CHD6: variants seen among roughly 807,000 people sequenced by gnomAD.
CHD6 encodes the protein chromodomain helicase DNA binding protein 6, also known as ATP-dependent chromatin remodeler CHD6.
Under a neutral mutation model 276.9 loss-of-function variants are expected in CHD6, and 50 were observed. That is an observed-to-expected ratio of 0.18 (90% CI 0.14 to 0.23). CHD6 has a LOEUF of 0.23. CHD6 is among the 10% of genes least tolerant of loss of function. The pLI, the probability that CHD6 is intolerant of heterozygous loss-of-function variation, is 1.00. For missense variants in CHD6, 2,564 were observed against 3,365.8 expected, an observed-to-expected ratio of 0.76 and a Z score of 5.89; for synonymous variants, 1,173 against 1,229.3, an observed-to-expected ratio of 0.95 and a Z score of 0.96.
chr20:41,510,598 T>A (rs142136873), intron 5 of CHD6, among the ~76,000 whole-genome samples: 5 of 152,356 alleles, frequency 3.3e-5, no homozygotes, highest in African/African-American at 1.2e-4. Context: ...GTTTGCTACA[T>A]CCTTAGAAGA....
rs530554462 is a variant in CHD6 at position 41,426,263 on chromosome 20, C to A, written c.4069-110G>T. The A allele has an allele frequency of 1.9e-4, 152 of 798,838 alleles. No homozygotes were observed. In the South Asian group the frequency reaches 1.9e-3, roughly 10 times the overall value. The allele number at this position is 798,838 out of a possible 1,614,324, so 49.5% of individuals were successfully genotyped here. ...CATCACGCATAAGAGCTGTCCCCTG[C>A]CCATGAACAACTCAGACCAAGATAG... On this transcript the variant is annotated intron_variant, in intron 27 of 36. Transcript: ENST00000373233.
chr20:41,503,055 C>T (rs550083754), intron 5 of CHD6, among the ~76,000 whole-genome samples: 2 of 152,178 alleles, frequency 1.3e-5, no homozygotes, highest in South Asian at 4.2e-4. Context: ...CCCATATGTG[C>T]TACATCTATT....
intron 19 of CHD6, among the ~76,000 whole-genome samples, chr20:41,455,328 A>T (rs1231179682): frequency 6.6e-6 from 1 of 152,246 alleles, no homozygotes; most frequent in Non-Finnish European, 1.5e-5. Flanking sequence ...CCAGTGGCCT[A>T]AACAGCAGAG....
At chr20:41,512,809 T>C (rs926874644) in intron 5 of CHD6, 37 bp downstream of exon 5, 14 of 1,611,614 alleles carry the variant, frequency 8.7e-6, no homozygotes, top group Middle Eastern at 3.3e-4. Flanking sequence ...AAAATGACTG[T>C]CCAGCCAAGG....
At chr20:41,555,973 A>T (rs1164106825) in intron 1 of CHD6, among the ~76,000 whole-genome samples, 1 of 152,212 alleles carries the variant, frequency 6.6e-6, no homozygotes, top group Non-Finnish European at 1.5e-5. Context: ...TTGAGCACTG[A>T]GTGAGCCAGA....
chr20:41,408,502 C>T (rs1018871537), intron 36 of CHD6, among the ~76,000 whole-genome samples: 9 of 152,190 alleles, frequency 5.9e-5, no homozygotes, highest in African/African-American at 2.2e-4. Context: ...ACCAGTCTGT[C>T]TTGAGCTCAT....
Position 41,440,060 on chromosome 20 carries a change from T to A in CHD6, c.3947A>T (p.Asp1316Val), listed in dbSNP as rs2145597291. 1 of 1,614,030 alleles carries A rather than the reference T, an allele frequency of 6.2e-7. No homozygotes were observed. The stretch of plus-strand genomic sequence containing the variant: ...CTGTTCTGCAGAAAGGGACTTCTCA[T>A]CGGGCATCCCAACTTTCTCCAGGAA... ...LCFLEKVGMP[D>V]EKSLSAEQGV... The change falls in exon 26 of 37, where the codon GAT becomes GTT. Residue 1316 changes from aspartate (D) to valine (V), a missense_variant. Asp to Val is a radical substitution (Grantham distance 152). Coordinates refer to ENST00000373233, the MANE Select transcript of CHD6 (RefSeq NM_032221.5).
chr20:41,509,745 TAA>T (rs1472163358), intron 5 of CHD6, among the ~76,000 whole-genome samples: 1 of 152,198 alleles, frequency 6.6e-6, no homozygotes, highest in Non-Finnish European at 1.5e-5. Flanking sequence ...TGCAGAATTC[TAA>T]AAGTTTGTGT....
chr20:41,457,192 TAAG>T (rs2048401836), intron 18 of CHD6, 69 bp downstream of exon 18: 2 of 1,540,170 alleles, frequency 1.3e-6, no homozygotes, highest in Non-Finnish European at 1.8e-6. Context: ...TAAACAGCTG[TAAG>T]AAGAGAAGCC....
intron 27 of CHD6, 149 bp from the exon 28 acceptor site, chr20:41,426,302 T>G: frequency 1.4e-6 from 1 of 693,056 alleles, no homozygotes; most frequent in Non-Finnish European, 2.6e-6. Context: ...CTGATAAAGC[T>G]TACTTCTGTA....
rs2047266328 is a variant in CHD6 at position 41,423,600 on chromosome 20, T to C, written c.4447A>G (p.Ile1483Val). ...GACTTCTTGTCCAAACGGGAAATGA[T>C]GCGGAACTGTGTCCAGTCAAAGGTT... ...KKTFDWTQFR[I>V]ISRLDKKSDE... The change falls in exon 30 of 37, where the codon ATC becomes GTC. Residue 1483 changes from isoleucine to valine, a missense_variant. Ile to Val is a conservative substitution (Grantham distance 29, BLOSUM62 3). Transcript: ENST00000373233. 6.2e-7 allele frequency: 1 copy of C among 1,614,236 alleles called. No homozygotes were observed. The highest frequency in any genetic ancestry group is 8.5e-7 in the Non-Finnish European group (1 of 1,180,036).
intron 1 of CHD6, among the ~76,000 whole-genome samples, chr20:41,589,354 G>A (rs560497154): frequency 1.2e-4 from 18 of 152,256 alleles, no homozygotes; most frequent in Non-Finnish European, 2.4e-4. Flanking sequence ...CATAGTGTTG[G>A]AAGTTCTGGC....
intron 3 of CHD6, among the ~76,000 whole-genome samples, chr20:41,516,182 T>A (rs2044246045): frequency 7.0e-6 from 1 of 142,822 alleles, no homozygotes; most frequent in South Asian, 2.2e-4. Flanking sequence ...TTTTTTTTTT[T>A]AGACGGAGTC....
At chr20:41,615,948 G>A (rs971980784) in intron 1 of CHD6, among the ~76,000 whole-genome samples, 1 of 152,212 alleles carries the variant, frequency 6.6e-6, no homozygotes, top group Non-Finnish European at 1.5e-5. Context: ...AGTAGCCCAA[G>A]GGCCGCCTGT....
chr20:41,457,119 C>G, intron 18 of CHD6, 145 bp downstream of exon 18: 2 of 882,252 alleles, frequency 2.3e-6, no homozygotes, highest in Non-Finnish European at 3.3e-6. Context: ...TAACGATGCC[C>G]TGTTGTAGGG....
intron 8 of CHD6, among the ~76,000 whole-genome samples, chr20:41,495,935 A>G (rs1210048411): frequency 6.6e-6 from 1 of 152,210 alleles, no homozygotes; most frequent in East Asian, 1.9e-4. Flanking sequence ...TGGGAGGGGC[A>G]GTTTGACTGC....
At chr20:41,486,562 T>G (rs2043419787) in intron 14 of CHD6, among the ~76,000 whole-genome samples, 1 of 152,200 alleles carries the variant, frequency 6.6e-6, no homozygotes, top group African/African-American at 2.4e-5. Flanking sequence ...ACGCTTGACA[T>G]GTGGGCAAAA....
intron 3 of CHD6, among the ~76,000 whole-genome samples, chr20:41,518,589 G>A (rs573269224): frequency 1.3e-5 from 2 of 152,144 alleles, no homozygotes; most frequent in South Asian, 2.1e-4. Context: ...GGAAAATACC[G>A]GCAGAAACGT....
At chr20:41,600,301 C>T (rs1320536634) in intron 1 of CHD6, among the ~76,000 whole-genome samples, 2 of 152,196 alleles carry the variant, frequency 1.3e-5, no homozygotes, top group Non-Finnish European at 2.9e-5. Context: ...ATTTGAATCT[C>T]ACAGATATAC....
Sources: gnomAD v4.1 joint callset for allele counts (sites outside exome capture counted in the v4.1 genomes callset) on GRCh38, gnomAD v4.1.1 for gene constraint, MANE v1.5 for transcripts, NCBI Gene and HGNC (gene_info 2026-07-23, HGNC 2026-07-21) for gene names.